The following THADA variants were observed in gnomAD, a reference collection of about 807,000 sequenced individuals.
The protein encoded by THADA is THADA armadillo repeat containing.
THADA carries 213 observed loss-of-function variants against 219.8 expected under a neutral mutation model. The ratio of observed to expected loss-of-function variants is 0.97; its 90% CI spans 0.87 to 1.09. The LOEUF (loss-of-function observed/expected upper bound fraction) is 1.09, where lower values mean the gene tolerates loss of function less well. Among genes scored for constraint, THADA ranks in the 50% least tolerant of loss-of-function variants. The pLI, the probability that THADA is intolerant of heterozygous loss-of-function variation, is 0.00. For missense variants in THADA, 2,956 were observed against 2,311.3 expected (o/e 1.28, Z -5.72); for synonymous variants, 1,018 against 828.9 (o/e 1.23, Z -3.92).
intron 24 of THADA, among the ~76,000 whole-genome samples, chr2:43,500,739 C>T (rs184687301): frequency 6.6e-6 from 1 of 152,244 alleles, no homozygotes; most frequent in East Asian, 1.9e-4. Flanking sequence ...ACAATAAAAA[C>T]TGTTTTGAAA....
chr2:43,377,014 G>T (rs950446551), intron 29 of THADA, among the ~76,000 whole-genome samples: 1 of 152,116 alleles, frequency 6.6e-6, no homozygotes, highest in Admixed American at 6.6e-5. Context: ...CGGCTCACAG[G>T]CCACCCACAG....
chr2:43,384,007 AC>A (rs530013080), intron 29 of THADA, among the ~76,000 whole-genome samples: 4 of 151,998 alleles, frequency 2.6e-5, no homozygotes, highest in African/African-American at 9.7e-5. Context: ...CACACAGGCT[AC>A]CCCCCTACCC....
chr2:43,595,215 A>G (rs780572372), intron 1 of THADA, among the ~76,000 whole-genome samples: 1 of 152,242 alleles, frequency 6.6e-6, no homozygotes, highest in Non-Finnish European at 1.5e-5. Context: ...TCTAAGTGAC[A>G]TTCTACATCT....
At chr2:43,506,371 G>C (rs1435274472) in intron 23 of THADA, among the ~76,000 whole-genome samples, 1 of 152,038 alleles carries the variant, frequency 6.6e-6, no homozygotes, top group Non-Finnish European at 1.5e-5. Context: ...ATAAAAATAG[G>C]GTATTAAGCC....
Position 43,514,612 on chromosome 2 carries a change from T to A in THADA, c.3375-5832A>T, listed in dbSNP as rs1326292962. Among the ~76,000 whole-genome samples the A allele has an allele frequency of 3.0e-3, 274 of 91,214 alleles. 45 individuals carry two copies. The highest frequency in any genetic ancestry group is 9.0e-3 in the African/African-American group (178 of 19,876). The allele number at this position is 91,214 out of a possible 152,430, so 59.8% of individuals were successfully genotyped here. Reference sequence around the variant, plus strand: ...ATATATGTATATTTTATATATATTTTATATATTTTATATATATGTATATTT... The same window carrying A: ...ATATATGTATATTTTATATATATTTAATATATTTTATATATATGTATATTT... On this transcript the variant is annotated intron_variant, in intron 22 of 37. Coordinates refer to ENST00000405975, the MANE Select transcript of THADA (RefSeq NM_022065.5).
chr2:43,566,682 A>G lies in THADA; in HGVS notation c.2311+16T>C. ...GAAAACAAAAATTACTTCCCCTAAC[A>G]TTATTAAACACTTACCTTCTGGGAC... On this transcript the variant is annotated intron_variant, in intron 15 of 37. Coordinates refer to ENST00000405975, the MANE Select transcript of THADA (RefSeq NM_022065.5). 6.2e-7 allele frequency: 1 copy of G among 1,609,182 alleles called. No individual in the cohort carries two copies. Among genetic ancestry groups the G allele is most frequent in the Non-Finnish European group, 8.5e-7 (1 of 1,178,364 alleles).
chr2:43,279,327 C>A lies in THADA; in HGVS notation c.5296+438G>T, dbSNP rs1673078562. Among the ~76,000 whole-genome samples the A allele has an allele frequency of 3.3e-5, 5 of 152,158 alleles. No homozygotes were observed. In the South Asian group the frequency reaches 1.0e-3, roughly 31 times the overall value. ...AAACTTAACGTACACATAATCATTTCTCGCTTTCTGTCACATATAAAAACT... is the reference window on the plus strand; with the variant it reads ...AAACTTAACGTACACATAATCATTTATCGCTTTCTGTCACATATAAAAACT... On this transcript the variant is annotated intron_variant, in intron 36 of 37. Coordinates refer to ENST00000405975, the MANE Select transcript of THADA (RefSeq NM_022065.5).
intron 21 of THADA, among the ~76,000 whole-genome samples, chr2:43,537,972 A>G (rs914645292): frequency 6.6e-6 from 1 of 152,032 alleles, no homozygotes; most frequent in Non-Finnish European, 1.5e-5. Flanking sequence ...CTAAAAAAGA[A>G]TGTTTTAAAA....
intron 29 of THADA, among the ~76,000 whole-genome samples, chr2:43,396,828 A>G (rs935425890): frequency 2.6e-5 from 4 of 152,146 alleles, no homozygotes; most frequent in Non-Finnish European, 4.4e-5. Context: ...AAGAAGAAAG[A>G]AAAAAGAAAA....
chr2:43,420,993 T>G (rs1677644835), intron 28 of THADA, among the ~76,000 whole-genome samples: 1 of 152,200 alleles, frequency 6.6e-6, no homozygotes, highest in African/African-American at 2.4e-5. Context: ...GGAAACAACC[T>G]TCCAATCTCT....
intron 29 of THADA, among the ~76,000 whole-genome samples, chr2:43,372,463 C>T (rs947300986): frequency 6.6e-6 from 1 of 152,102 alleles, no homozygotes; most frequent in Non-Finnish European, 1.5e-5. Flanking sequence ...CTAGAAAAAT[C>T]TCACTCTTTT....
chr2:43,287,832 G>A (rs1325026155), intron 34 of THADA, among the ~76,000 whole-genome samples: 2 of 152,196 alleles, frequency 1.3e-5, no homozygotes, highest in African/African-American at 4.8e-5. Context: ...AGGTGATTAA[G>A]TTCTGAAGAC....
intron 29 of THADA, among the ~76,000 whole-genome samples, chr2:43,352,322 C>T (rs1290116228): frequency 6.6e-6 from 1 of 152,114 alleles, no homozygotes. Flanking sequence ...CTTTGGGAGG[C>T]CGAGGTAAGT....
chr2:43,301,339 C>G (rs6756560), intron 31 of THADA, among the ~76,000 whole-genome samples: 1 of 152,164 alleles, frequency 6.6e-6, no homozygotes, highest in South Asian at 2.1e-4. Context: ...TTCAAAAGAA[C>G]GAATACGCAC....
chr2:43,572,344 T>A (rs894554631), intron 12 of THADA, among the ~76,000 whole-genome samples: 3 of 152,198 alleles, frequency 2.0e-5, no homozygotes, highest in African/African-American at 7.2e-5. Flanking sequence ...CATTAGGCCT[T>A]TCCAAAAAAT....
intron 24 of THADA, among the ~76,000 whole-genome samples, chr2:43,505,299 T>A (rs1049052205): frequency 6.6e-6 from 1 of 152,042 alleles, no homozygotes; most frequent in Admixed American, 6.6e-5. Flanking sequence ...AAAGCAACGG[T>A]TTATTTTGTG....
intron 22 of THADA, among the ~76,000 whole-genome samples, chr2:43,512,592 T>C (rs1286071737): frequency 6.6e-6 from 1 of 152,240 alleles, no homozygotes; most frequent in Non-Finnish European, 1.5e-5. Flanking sequence ...AACCTCCGCC[T>C]CCCAGATTCA....
chr2:43,520,938 AGG>A (rs1403507969), intron 22 of THADA, among the ~76,000 whole-genome samples: 88 of 107,558 alleles, frequency 8.2e-4, no homozygotes, highest in African/African-American at 2.9e-3. Flanking sequence ...AAAGGGAAGG[AGG>A]GAGGGAGGGA....
intron 22 of THADA, among the ~76,000 whole-genome samples, chr2:43,513,339 A>G (rs1690736799): frequency 1.3e-5 from 2 of 152,210 alleles, no homozygotes; most frequent in African/African-American, 4.8e-5. Context: ...AAACCCCAAA[A>G]CCAGCTGAGT....
Sources: allele counts gnomAD v4.1 joint callset (sites outside exome capture counted in the v4.1 genomes callset), GRCh38; gene constraint gnomAD v4.1.1; transcripts MANE v1.5; gene names NCBI Gene and HGNC (gene_info 2026-07-23, HGNC 2026-07-21).